Variants in GABBR2 observed in about 807,000 individuals in gnomAD.
GABBR2 encodes the protein gamma-aminobutyric acid type B receptor subunit 2, also known as G-protein coupled receptor 51.
A neutral mutation model predicts 105.6 loss-of-function variants in GABBR2; 23 were observed. The observed-to-expected ratio is 0.22, with a 90% CI of 0.16 to 0.31. GABBR2 has a LOEUF of 0.31. Ranked by LOEUF, GABBR2 falls within the 10% of genes least tolerant of loss-of-function variation. The pLI is 1.00. For missense variants in GABBR2, 734 were observed against 1,245.5 expected (o/e 0.59, Z 6.18); for synonymous variants, 478 against 499.7 (o/e 0.96, Z 0.58).
chr9:98,517,009 T>G (rs1239820021), intron 3 of GABBR2, among the ~76,000 whole-genome samples: 1 of 152,224 alleles, frequency 6.6e-6, no homozygotes, highest in Non-Finnish European at 1.5e-5. Flanking sequence ...TGTGCTCCAG[T>G]CTGAGTGGCC....
At chr9:98,527,607 A>G (rs898704092) in intron 3 of GABBR2, among the ~76,000 whole-genome samples, 1 of 152,110 alleles carries the variant, frequency 6.6e-6, no homozygotes, top group African/African-American at 2.4e-5. Flanking sequence ...CCATTCCCCA[A>G]AGCAATAATA....
intron 1 of GABBR2, chr9:98,608,189 A>T: frequency 9.7e-7 from 1 of 1,031,044 alleles, no homozygotes; most frequent in East Asian, 2.6e-5. Flanking sequence ...CTTGGACATC[A>T]GTGTTTGTTG....
intron 8 of GABBR2, among the ~76,000 whole-genome samples, chr9:98,401,820 C>T (rs1832399678): frequency 6.6e-6 from 1 of 152,126 alleles, no homozygotes; most frequent in African/African-American, 2.4e-5. Flanking sequence ...GGCATTCGGC[C>T]AGAGAGATTA....
chr9:98,569,265 G>A (rs897505647), intron 2 of GABBR2, among the ~76,000 whole-genome samples: 1 of 152,190 alleles, frequency 6.6e-6, no homozygotes, highest in African/African-American at 2.4e-5. Context: ...CATGGGCCAG[G>A]TTGTGGCGGG....
intron 1 of GABBR2, among the ~76,000 whole-genome samples, chr9:98,613,710 A>T (rs1300099876): frequency 6.6e-6 from 1 of 152,274 alleles, no homozygotes; most frequent in Non-Finnish European, 1.5e-5. Context: ...CTAAAGCAGT[A>T]TTCAAAAGTG....
intron 1 of GABBR2, among the ~76,000 whole-genome samples, chr9:98,590,183 T>G (rs1222353871): frequency 6.6e-6 from 1 of 152,234 alleles, no homozygotes. Context: ...AGTAGTCATA[T>G]CCATAGCTCT....
rs981756907 is a variant in GABBR2, at chr9:98,473,331, T to C, written c.814A>G (p.Met272Val). 8 of 1,611,084 alleles carry C rather than the reference T, an allele frequency of 5.0e-6. No homozygotes were observed. The highest frequency in any genetic ancestry group is 4.5e-5 in the East Asian group (2 of 44,832). ...KVFCCAYEEN[M>V]YGSKYQWIIP... ...ATCCACTGATATTTACTACCATACA[T>C]GTTCTCCTCGTATGCCTGTAAAAGA... is the stretch of plus-strand genomic sequence containing the variant. The change falls in exon 6 of 19, where the codon ATG (methionine) becomes GTG (valine). Residue 272 changes from methionine (M) to valine (V), a missense_variant. Around this residue, in one of 7 missense-constraint regions of GABBR2, gnomAD observed 370 missense variants for 648.9 expected, o/e 0.57. Coordinates refer to ENST00000259455, the MANE Select transcript of GABBR2 (RefSeq NM_005458.8).
intron 13 of GABBR2, among the ~76,000 whole-genome samples, chr9:98,319,552 T>G (rs997056483): frequency 6.6e-6 from 1 of 151,896 alleles, no homozygotes; most frequent in African/African-American, 2.4e-5. Context: ...TCTTTGGGGA[T>G]GCAGAGAGCA....
At chr9:98,523,910 C>T (rs73488472) in intron 3 of GABBR2, among the ~76,000 whole-genome samples, 49 of 152,064 alleles carry the variant, frequency 3.2e-4, no homozygotes, top group African/African-American at 1.2e-3. Context: ...TTCTTTCCCA[C>T]AGAATTTAAG....
At chr9:98,517,516 G>A (rs920648489) in intron 3 of GABBR2, among the ~76,000 whole-genome samples, 1 of 152,176 alleles carries the variant, frequency 6.6e-6, no homozygotes. Flanking sequence ...GCTGCTTGCT[G>A]TAGAACCCTC....
At chr9:98,569,578 C>T in intron 2 of GABBR2, among the ~76,000 whole-genome samples, 1 of 152,152 alleles carries the variant, frequency 6.6e-6, no homozygotes, top group Non-Finnish European at 1.5e-5. Flanking sequence ...GTTTGCTATT[C>T]CCATTTTACA....
chr9:98,478,136 G>T (rs549685841), intron 5 of GABBR2, among the ~76,000 whole-genome samples: 1 of 152,338 alleles, frequency 6.6e-6, no homozygotes, highest in South Asian at 2.1e-4. Flanking sequence ...GCATTTGCTG[G>T]AGTCTGCGAT....
At chr9:98,320,131 G>GA (rs1341847155) in intron 13 of GABBR2, among the ~76,000 whole-genome samples, 1 of 151,474 alleles carries the variant, frequency 6.6e-6, no homozygotes, top group African/African-American at 2.4e-5. Context: ...AAATTTACAA[G>GA]AAAAAAACAA....
chr9:98,649,919 C>A (rs1830082186), intron 1 of GABBR2, among the ~76,000 whole-genome samples: 1 of 152,144 alleles, frequency 6.6e-6, no homozygotes, highest in South Asian at 2.1e-4. Context: ...TGGATATTTT[C>A]TCCAACAATA....
intron 6 of GABBR2, among the ~76,000 whole-genome samples, chr9:98,469,890 T>C (rs1588178264): frequency 6.6e-6 from 1 of 152,196 alleles, no homozygotes; most frequent in African/African-American, 2.4e-5. Flanking sequence ...CAGGCATCAA[T>C]CCAGCAGCCA....
At chr9:98,373,655 T>G (rs1482790041) in intron 11 of GABBR2, among the ~76,000 whole-genome samples, 1 of 152,166 alleles carries the variant, frequency 6.6e-6, no homozygotes, top group Non-Finnish European at 1.5e-5. Flanking sequence ...TTTAGTGACA[T>G]GACTGTTAAG....
intron 1 of GABBR2, among the ~76,000 whole-genome samples, chr9:98,598,478 A>G (rs948751367): frequency 6.6e-6 from 1 of 152,208 alleles, no homozygotes; most frequent in African/African-American, 2.4e-5. Context: ...TGGCGGGTGC[A>G]GTCAGCTGAA....
intron 4 of GABBR2, among the ~76,000 whole-genome samples, chr9:98,489,204 T>G (rs1240826549): frequency 2.0e-5 from 3 of 152,172 alleles, no homozygotes; most frequent in Non-Finnish European, 2.9e-5. Context: ...GTAGAGTTAT[T>G]GTGGGGATGA....
chr9:98,504,208 A>C (rs1030317083), intron 3 of GABBR2, among the ~76,000 whole-genome samples: 3 of 152,232 alleles, frequency 2.0e-5, no homozygotes, highest in Non-Finnish European at 4.4e-5. Flanking sequence ...GAAGGAAAGG[A>C]GGCAGGAAGA....
Sources: allele counts gnomAD v4.1 joint callset (sites outside exome capture counted in the v4.1 genomes callset), GRCh38; gene constraint gnomAD v4.1.1; regional missense constraint gnomAD v4.1.1; transcripts MANE v1.5; gene names NCBI Gene and HGNC (gene_info 2026-07-23, HGNC 2026-07-21).